ITGB5: variants seen among roughly 807,000 people sequenced by gnomAD.
The protein encoded by ITGB5 is integrin beta-5.
Under a neutral mutation model 84.8 loss-of-function variants are expected in ITGB5, and 38 were observed. The ratio of observed to expected loss-of-function variants is 0.45; its 90% CI spans 0.35 to 0.59. The LOEUF (loss-of-function observed/expected upper bound fraction) is 0.59. Among genes scored for constraint, ITGB5 ranks in the 20% least tolerant of loss-of-function variants. The pLI is 0.01. For synonymous variants in ITGB5, 393 were observed against 414.4 expected (o/e 0.95, Z 0.63); for missense variants, 905 against 1,034.5 (o/e 0.87, Z 1.72).
intron 1 of ITGB5, among the ~76,000 whole-genome samples, chr3:124,886,626 C>T (rs1934821863): frequency 6.6e-6 from 1 of 152,056 alleles, no homozygotes; most frequent in Admixed American, 6.5e-5. Context: ...GGGCTGGCGG[C>T]GGTCCTCCCC....
At chr3:124,852,347 C>G (rs1160701420) in intron 3 of ITGB5, among the ~76,000 whole-genome samples, 1 of 152,022 alleles carries the variant, frequency 6.6e-6, no homozygotes, top group East Asian at 1.9e-4. Context: ...GCCTCAGGAC[C>G]AGGGGCAGGA....
At chr3:124,893,314 A>G (rs141130540) in intron 1 of ITGB5, among the ~76,000 whole-genome samples, 105 of 152,238 alleles carry the variant, frequency 6.9e-4, no homozygotes, top group Middle Eastern at 3.4e-3. Flanking sequence ...AGGCTGAGGT[A>G]TGATAGTTGC....
intron 5 of ITGB5, among the ~76,000 whole-genome samples, chr3:124,824,207 T>C (rs1020717429): frequency 3.3e-5 from 5 of 152,238 alleles, no homozygotes; most frequent in Non-Finnish European, 7.3e-5. Flanking sequence ...TAATCAAGGC[T>C]ATGGTCATGA....
rs1559918356 is a variant in ITGB5, at chr3:124,764,558, C to G, written c.2138-1G>C. ...ATGGCGTTGGGGGTGTTTCCACACT[C>G]TGGGGGGACCAGAAGCATGGTAAGC... On this transcript the variant is annotated splice_acceptor_variant, in intron 13 of 14. Coordinates refer to ENST00000296181, the MANE Select transcript of ITGB5 (RefSeq NM_002213.5). LOFTEE classifies it high-confidence loss of function. The G allele has an allele frequency of 6.2e-7, 1 of 1,602,778 alleles. No homozygotes were observed. Among genetic ancestry groups the G allele is most frequent in the Admixed American group, 1.7e-5 (1 of 59,822 alleles).
At chr3:124,897,974 C>T (rs749501593) in intron 1 of ITGB5, among the ~76,000 whole-genome samples, 1 of 152,188 alleles carries the variant, frequency 6.6e-6, no homozygotes, top group East Asian at 1.9e-4. Context: ...TGCAGTAATA[C>T]CAGACTTGAT....
In ITGB5 at chr3:124,762,288, T is replaced by A. The variant is rs2063706847; in HGVS notation, c.*1335A>T. On this transcript the variant is annotated 3_prime_UTR_variant, in exon 15 of 15. Coordinates refer to ENST00000296181, the MANE Select transcript of ITGB5 (RefSeq NM_002213.5). The stretch of plus-strand genomic sequence containing the variant: ...AAGTTATTCCAGTGACAAAAAATGA[T>A]CAGTGAAAGATTTTCTAAGAGCAAG... 1 of 152,104 alleles carries A rather than the reference T, an allele frequency of 6.6e-6. No homozygotes were observed. Among genetic ancestry groups the A allele is most frequent in the Admixed American group, 6.5e-5 (1 of 15,276 alleles). 9.4% of individuals were successfully genotyped at this position (152,104 alleles called of 1,614,324 possible).
rs369250352 is a variant in ITGB5, at chr3:124,821,363, C to T, written c.892G>A (p.Gly298Ser). 1.2e-6 allele frequency: 2 copies of T among 1,614,186 alleles called. No homozygotes were observed. Among genetic ancestry groups the T allele is most frequent in the Non-Finnish European group, 1.7e-6 (2 of 1,180,022 alleles). Residue 298 changes from glycine (G) to serine (S), a missense_variant, in exon 6 of 15, where the codon GGC (glycine) becomes AGC (serine). By Grantham distance (56) the Gly-to-Ser change is moderately conservative (BLOSUM62 0). Around this residue, in one of 3 missense-constraint regions of ITGB5, gnomAD observed 656 missense variants for 734.7 expected, o/e 0.89. Coordinates refer to ENST00000296181, the MANE Select transcript of ITGB5 (RefSeq NM_002213.5). ...KLGGLVQPHD[G>S]QCHLNEANEY... ...TTGGCCTCGTTCAGGTGGCACTGGCCATCGTGTGGCTGCACCAGGCCTCCC... is the reference window on the plus strand; with the variant it reads ...TTGGCCTCGTTCAGGTGGCACTGGCTATCGTGTGGCTGCACCAGGCCTCCC...
intron 4 of ITGB5, among the ~76,000 whole-genome samples, chr3:124,846,867 G>A (rs866631417): frequency 3.3e-5 from 5 of 152,094 alleles, no homozygotes; most frequent in Non-Finnish European, 4.4e-5. Context: ...CCCGGGAGGC[G>A]GAGGTTGCAG....
intron 5 of ITGB5, chr3:124,833,120 C>T (rs4141663): frequency 0.45 from 67,872 of 152,046 alleles, 15,411 homozygotes; most frequent in East Asian, 0.7. Flanking sequence ...TGTGGCTAAA[C>T]TTAATGAGGC....
intron 9 of ITGB5, among the ~76,000 whole-genome samples, chr3:124,801,575 G>C (rs970358896): frequency 3.9e-5 from 6 of 152,166 alleles, no homozygotes; most frequent in Non-Finnish European, 1.5e-5. Flanking sequence ...CCGTGTCCTT[G>C]TCCACAGGCC....
At chr3:124,833,601 A>G (rs2064888227) in intron 5 of ITGB5, among the ~76,000 whole-genome samples, 1 of 152,204 alleles carries the variant, frequency 6.6e-6, no homozygotes, top group Non-Finnish European at 1.5e-5. Flanking sequence ...ATGAATTTGC[A>G]TGAAGCACTG....
At chr3:124,801,058 T>C (rs941824892) in intron 9 of ITGB5, among the ~76,000 whole-genome samples, 2 of 152,206 alleles carry the variant, frequency 1.3e-5, no homozygotes, top group Non-Finnish European at 2.9e-5. Context: ...GGCTATCCTA[T>C]GCAGATGCCA....
At chr3:124,895,986 C>T (rs528230049) in intron 1 of ITGB5, among the ~76,000 whole-genome samples, 1 of 152,308 alleles carries the variant, frequency 6.6e-6, no homozygotes, top group South Asian at 2.1e-4. Flanking sequence ...ACTTGCAAAG[C>T]CAAATGTGTT....
At chr3:124,788,811 C>T (rs1265631885) in intron 10 of ITGB5, among the ~76,000 whole-genome samples, 2 of 152,124 alleles carry the variant, frequency 1.3e-5, no homozygotes, top group Admixed American at 6.5e-5. Flanking sequence ...TGAAAAAACC[C>T]GAAGAATTTC....
At chr3:124,814,856 G>A (rs140883560) in intron 8 of ITGB5, among the ~76,000 whole-genome samples, 1,968 of 152,222 alleles carry the variant, frequency 0.013, 21 homozygotes, top group South Asian at 0.038. Flanking sequence ...AGAATCAAGC[G>A]ACAGTGCTAG....
intron 1 of ITGB5, among the ~76,000 whole-genome samples, chr3:124,899,336 A>C (rs532566199): frequency 6.6e-6 from 1 of 152,290 alleles, no homozygotes; most frequent in East Asian, 1.9e-4. Flanking sequence ...TTCCCTCAGG[A>C]AGTTCAGGTG....
chr3:124,889,494 G>A (rs1013214510), upstream of ITGB5, among the ~76,000 whole-genome samples: 9 of 152,176 alleles, frequency 5.9e-5, no homozygotes, highest in African/African-American at 1.4e-4. Flanking sequence ...AGGACTTCCC[G>A]TCACTGGCAC....
rs533890476 is a variant in ITGB5 at position 124,871,483 on chromosome 3, C to T, written c.156+1963G>A. Among the ~76,000 whole-genome samples, 171 of 152,204 alleles carry T rather than the reference C, an allele frequency of 1.1e-3. 2 individuals are homozygous for T. Among genetic ancestry groups the T allele is most frequent in the African/African-American group, 3.4e-3 (142 of 41,540 alleles). On this transcript the variant is annotated intron_variant, in intron 2 of 14. Transcript: ENST00000296181. ...TACTAGGATTACAGGCGTGAGCCACCGCGCCTGGCCGAATTGATTCTTAAA... is the reference window on the plus strand; with the variant it reads ...TACTAGGATTACAGGCGTGAGCCACTGCGCCTGGCCGAATTGATTCTTAAA...
intron 3 of ITGB5, among the ~76,000 whole-genome samples, chr3:124,856,051 C>T (rs2065218524): frequency 6.6e-6 from 1 of 152,018 alleles, no homozygotes; most frequent in Non-Finnish European, 1.5e-5. Flanking sequence ...GGGATCCTTC[C>T]ACCTCAGTCT....
Sources: allele counts gnomAD v4.1 joint callset (sites outside exome capture counted in the v4.1 genomes callset), GRCh38; gene constraint gnomAD v4.1.1; regional missense constraint gnomAD v4.1.1; transcripts MANE v1.5; gene names NCBI Gene and HGNC (gene_info 2026-07-23, HGNC 2026-07-21).